Variants in AEBP2 observed in about 807,000 individuals in gnomAD.
The protein encoded by AEBP2 is zinc finger protein AEBP2.
In AEBP2, 10 loss-of-function variants were observed where a neutral mutation model predicts 50.8. The ratio of observed to expected loss-of-function variants is 0.20; its 90% CI spans 0.12 to 0.33. The LOEUF (loss-of-function observed/expected upper bound fraction) is 0.33. Among genes scored for constraint, AEBP2 ranks in the 10% least tolerant of loss-of-function variants. AEBP2 has a pLI of 1.00. For synonymous variants in AEBP2, 296 were observed against 261.3 expected (o/e 1.13, Z -1.28); for missense variants, 570 against 688.0 (o/e 0.83, Z 1.92).
chr12:19,418,550 C>T (rs1490281858), intron 1 of AEBP2, among the ~76,000 whole-genome samples: 2 of 152,088 alleles, frequency 1.3e-5, no homozygotes, highest in African/African-American at 4.8e-5. Flanking sequence ...TATAATTTAA[C>T]TCTTTCAACT....
At chr12:19,456,320 G>C in intron 1 of AEBP2, 2 of 1,455,564 alleles carry the variant, frequency 1.4e-6, no homozygotes, top group Non-Finnish European at 1.9e-6. Flanking sequence ...TCACTGCTTT[G>C]ATGACATCCA....
chr12:19,478,234 G>T (rs1277990521), intron 3 of AEBP2, among the ~76,000 whole-genome samples: 2 of 152,068 alleles, frequency 1.3e-5, no homozygotes, highest in African/African-American at 4.8e-5. Flanking sequence ...GGTTTTGTTT[G>T]TTCTTTCTTG....
rs1265880930 is a variant in AEBP2, at chr12:19,439,653, G to A, written c.-47G>A. 2 of 1,486,306 alleles carry A rather than the reference G, an allele frequency of 1.3e-6. No individual in the cohort carries two copies. Among genetic ancestry groups the A allele is most frequent in the Non-Finnish European group, 8.9e-7 (1 of 1,127,452 alleles). 92.1% of individuals were successfully genotyped at this position (1,486,306 alleles called of 1,614,324 possible). On this transcript the variant is annotated 5_prime_UTR_variant, in exon 1 of 8. Coordinates refer to ENST00000266508, the MANE Select transcript of AEBP2 (RefSeq NM_153207.5). Reference sequence around the variant, plus strand: ...GGCGAGGGAGAGAGAGTCGAGAGAGGGAGGCGGCGGTGGGGAGGAGGAGGA... The same window carrying A: ...GGCGAGGGAGAGAGAGTCGAGAGAGAGAGGCGGCGGTGGGGAGGAGGAGGA...
rs1949370387 is a variant in AEBP2, at chr12:19,519,598, C to T, written c.*1481C>T. On this transcript the variant is annotated 3_prime_UTR_variant, in exon 8 of 8. Transcript: ENST00000266508. The stretch of plus-strand genomic sequence containing the variant: ...TGCAGTGAAACTGCAGAAAATACTC[C>T]TGGTTGAGGAGTTTTCACTTTACTA... The T allele has an allele frequency of 6.6e-6, 1 of 152,546 alleles. No individual in the cohort carries two copies. Among genetic ancestry groups the T allele is most frequent in the African/African-American group, 2.4e-5 (1 of 41,440 alleles). The allele number at this position is 152,546 out of a possible 1,614,324, so 9.4% of individuals were successfully genotyped here. A position where few individuals can be genotyped will look rare whatever the true frequency, so the allele number is the denominator to read the frequency against.
chr12:19,462,526 A>G lies in AEBP2; in HGVS notation c.688A>G (p.Met230Val). 1 of 1,611,458 alleles carries G rather than the reference A, an allele frequency of 6.2e-7. No homozygotes were observed. Among genetic ancestry groups the G allele is most frequent in the Non-Finnish European group, 8.5e-7 (1 of 1,178,704 alleles). Residue 230 changes from methionine (M) to valine (V), a missense_variant, in exon 2 of 8, where the codon ATG (methionine) becomes GTG (valine). Physicochemically the swap from Met to Val is conservative, Grantham distance 21. Around this residue, in one of 2 missense-constraint regions of AEBP2, gnomAD observed 184 missense variants for 351.2 expected, o/e 0.52. Coordinates refer to ENST00000266508, the MANE Select transcript of AEBP2 (RefSeq NM_153207.5). ...DSEDSISSTI[M>V]DVDSTISSGR... ...CTTTTGTAGCATAAGCAGTACTATA[A>G]TGGATGTAGACAGCACAATTTCCAG...
chr12:19,487,365 T>G lies in AEBP2; in HGVS notation c.988-6435T>G, dbSNP rs369095235. ...GTAGTTCAGTGATTATTTAGTATAT[T>G]CACAGTTTTGTAAAATTATTACCAC... On this transcript the variant is annotated intron_variant, in intron 3 of 7. Coordinates refer to ENST00000266508, the MANE Select transcript of AEBP2 (RefSeq NM_153207.5). Among the ~76,000 whole-genome samples the G allele has an allele frequency of 2.6e-3, 398 of 152,274 alleles. 7 individuals are homozygous for G. In the South Asian group the frequency reaches 0.033, roughly 13 times the overall value.
intron 1 of AEBP2, among the ~76,000 whole-genome samples, chr12:19,442,570 T>A (rs192283383): frequency 6.4e-4 from 98 of 152,328 alleles, no homozygotes; most frequent in Non-Finnish European, 1.0e-3. Context: ...AATTTTTACA[T>A]CTTATTTCAG....
rs756692477 is a variant in AEBP2 at position 19,461,914 on chromosome 12, A to G, written c.672-596A>G. ...GTTAAAAAAATAAAATTTTAGGGCT[A>G]GGAAAAGATTTTTTATTTGGACTTT... On this transcript the variant is annotated intron_variant, in intron 1 of 7. Coordinates refer to ENST00000266508, the MANE Select transcript of AEBP2 (RefSeq NM_153207.5). 7.2e-5 allele frequency among the ~76,000 whole-genome samples: 11 copies of G among 152,160 alleles called. 1 individual carries two copies. The highest frequency in any genetic ancestry group is 1.6e-4 in the Non-Finnish European group (11 of 68,028).
At chr12:19,416,320 A>T (rs373624368) in intron 1 of AEBP2, among the ~76,000 whole-genome samples, 3 of 152,226 alleles carry the variant, frequency 2.0e-5, no homozygotes, top group Non-Finnish European at 4.4e-5. Context: ...TTGGTATTCA[A>T]TATTGCTCAT....
intron 3 of AEBP2, among the ~76,000 whole-genome samples, chr12:19,488,588 A>ATAAT (rs1948849847): frequency 6.6e-6 from 1 of 152,026 alleles, no homozygotes; most frequent in African/African-American, 2.4e-5. Context: ...CCTCCTCATT[A>ATAAT]TTTGTAAGAC....
At chr12:19,498,053 T>C (rs1217137412) in intron 4 of AEBP2, among the ~76,000 whole-genome samples, 1 of 152,194 alleles carries the variant, frequency 6.6e-6, no homozygotes, top group Non-Finnish European at 1.5e-5. Context: ...AAGGTCTGAA[T>C]GCATAGGCTG....
rs145382219 is a variant in AEBP2, at chr12:19,463,335, C to G, written c.879+618C>G. On this transcript the variant is annotated intron_variant, in intron 2 of 7. Coordinates refer to ENST00000266508, the MANE Select transcript of AEBP2 (RefSeq NM_153207.5). ...AAAGAGCTAAGCAAATTGGGTAAGCCAAAAGTAATGTGCCAAAATATTAAT... is the reference window on the plus strand; with the variant it reads ...AAAGAGCTAAGCAAATTGGGTAAGCGAAAAGTAATGTGCCAAAATATTAAT... Among the ~76,000 whole-genome samples, 159 of 152,264 alleles carry G rather than the reference C, an allele frequency of 1.0e-3. 1 individual carries two copies. Among genetic ancestry groups the G allele is most frequent in the African/African-American group, 3.7e-3 (155 of 41,540 alleles).
At chr12:19,501,378 T>C (rs1180527967) in intron 5 of AEBP2, among the ~76,000 whole-genome samples, 1 of 151,416 alleles carries the variant, frequency 6.6e-6, no homozygotes, top group East Asian at 1.9e-4. Context: ...CTCACACCTA[T>C]AATCCTAGTA....
chr12:19,441,660 G>C (rs1461824958), intron 1 of AEBP2, among the ~76,000 whole-genome samples: 1 of 152,174 alleles, frequency 6.6e-6, no homozygotes, highest in Non-Finnish European at 1.5e-5. Context: ...TTAACGTCTA[G>C]TTAAGAAAAT....
intron 1 of AEBP2, among the ~76,000 whole-genome samples, chr12:19,415,331 AAAAAAAAAAAAAAAAAAAAAT>A (rs1157014901): frequency 7.0e-4 from 24 of 34,342 alleles, no homozygotes; most frequent in African/African-American, 2.2e-3. Flanking sequence ...AAAAAAAAAA[AAAAAAAAAAAAAAAAAAAAAT>A]ATATATATAT....
intron 5 of AEBP2, among the ~76,000 whole-genome samples, chr12:19,511,651 G>T (rs1949233692): frequency 6.6e-6 from 1 of 152,138 alleles, no homozygotes; most frequent in South Asian, 2.1e-4. Context: ...GTTTATGGCA[G>T]CTTGGATGGA....
At chr12:19,516,764 C>T (rs1331342612) in intron 7 of AEBP2, among the ~76,000 whole-genome samples, 2 of 152,126 alleles carry the variant, frequency 1.3e-5, no homozygotes, top group Non-Finnish European at 2.9e-5. Context: ...AGGTGGTTCA[C>T]GCCCATTATC....
chr12:19,440,130 C>G lies in AEBP2; in HGVS notation c.431C>G (p.Ala144Gly). 1.3e-6 allele frequency: 2 copies of G among 1,504,406 alleles called. No homozygotes were observed. The highest frequency in any genetic ancestry group is 1.8e-6 in the Non-Finnish European group (2 of 1,133,194). 93.2% of individuals were successfully genotyped at this position (1,504,406 alleles called of 1,614,324 possible). A position where few individuals can be genotyped will look rare whatever the true frequency, so the allele number is the denominator to read the frequency against. The part of the protein sequence containing the change: ...SDETRSLSPG[A>G]ASSSSGDGDG... ...GAGACCCGCTCGTTGAGCCCCGGCG[C>G]CGCCAGCAGCAGCAGCGGGGATGGG... Residue 144 changes from alanine (A) to glycine (G), a missense_variant, in exon 1 of 8, where the codon GCC becomes GGC. Transcript: ENST00000266508.
intron 2 of AEBP2, among the ~76,000 whole-genome samples, chr12:19,465,333 G>C (rs577896027): frequency 6.6e-6 from 1 of 152,206 alleles, no homozygotes; most frequent in South Asian, 2.1e-4. Context: ...GGCGGAGGTT[G>C]CAGTGAGCTG....
Sources: gnomAD v4.1 joint callset for allele counts (sites outside exome capture counted in the v4.1 genomes callset) on GRCh38, gnomAD v4.1.1 for gene constraint, gnomAD v4.1.1 regional missense constraint, MANE v1.5 for transcripts, NCBI Gene and HGNC (gene_info 2026-07-23, HGNC 2026-07-21) for gene names.